DOCK4: variants seen among roughly 807,000 people sequenced by gnomAD.
DOCK4 encodes the protein dedicator of cytokinesis protein 4.
Under a neutral mutation model 268.1 loss-of-function variants are expected in DOCK4, and 97 were observed. That is an observed-to-expected ratio of 0.36 (90% CI 0.31 to 0.43). The LOEUF is 0.43. DOCK4 is among the 20% of genes least tolerant of loss of function. DOCK4 has a pLI of 1.00. For synonymous variants in DOCK4, 954 were observed against 887.2 expected, an observed-to-expected ratio of 1.08 and a Z score of -1.34; for missense variants, 2,145 against 2,455.7, an observed-to-expected ratio of 0.87 and a Z score of 2.67.
chr7:111,732,359 G>A, intron 51 of DOCK4, 72 bp from the exon 52 acceptor site: 1 of 1,522,210 alleles, frequency 6.6e-7, no homozygotes. Flanking sequence ...CATGCCCTCT[G>A]TGTTACAAAC....
intron 1 of DOCK4, among the ~76,000 whole-genome samples, chr7:112,078,170 G>T (rs948533854): frequency 5.3e-5 from 8 of 152,058 alleles, no homozygotes; most frequent in African/African-American, 1.9e-4. Context: ...GCATGAATAA[G>T]ATTTTATCTC....
chr7:111,858,290 G>T (rs886956638), intron 23 of DOCK4, among the ~76,000 whole-genome samples: 3 of 152,048 alleles, frequency 2.0e-5, no homozygotes, highest in Non-Finnish European at 2.9e-5. Flanking sequence ...TTCTTCCTTT[G>T]CATGCCTCCT....
At chr7:111,903,840 T>C (rs1791347850) in intron 13 of DOCK4, among the ~76,000 whole-genome samples, 1 of 152,212 alleles carries the variant, frequency 6.6e-6, no homozygotes, top group Admixed American at 6.5e-5. Flanking sequence ...AACAGCAGAA[T>C]TCTTTTGCTT....
chr7:111,953,328 G>A (rs1310292446), intron 8 of DOCK4, among the ~76,000 whole-genome samples: 7 of 152,142 alleles, frequency 4.6e-5, no homozygotes, highest in East Asian at 1.9e-4. Context: ...TAAGATGGAC[G>A]AAGGAATAAT....
In DOCK4 at chr7:111,900,401, T is replaced by C; in HGVS notation, c.1453A>G (p.Ile485Val). 1 of 1,613,490 alleles carries C rather than the reference T, an allele frequency of 6.2e-7. No homozygotes were observed. Among genetic ancestry groups the C allele is most frequent in the Non-Finnish European group, 8.5e-7 (1 of 1,179,744 alleles). Reference protein sequence around the residue: ...IPVDKFRGAHIRFEFRHCSTK... With the variant: ...IPVDKFRGAHVRFEFRHCSTK... ...GAACAATGCCGAAACTCGAAGCGGA[T>C]GTGTGCACCCCGGAATTTATCCACA... The change falls in exon 15 of 53, where the codon ATC becomes GTC. Residue 485 changes from isoleucine to valine, a missense_variant. Around this residue, in one of 2 missense-constraint regions of DOCK4, gnomAD observed 1,598 missense variants for 1,986.7 expected, o/e 0.80. Transcript: ENST00000428084.
chr7:111,752,578 G>GTTTTT (rs56037303), intron 42 of DOCK4, among the ~76,000 whole-genome samples: 32 of 82,212 alleles, frequency 3.9e-4, no homozygotes, highest in African/African-American at 1.0e-3. Context: ...ATCAGCTTAG[G>GTTTTT]TTTTTTTTTT....
intron 27 of DOCK4, among the ~76,000 whole-genome samples, chr7:111,813,396 G>A (rs990007045): frequency 6.6e-6 from 1 of 152,068 alleles, no homozygotes; most frequent in Non-Finnish European, 1.5e-5. Flanking sequence ...GTTATCTGCT[G>A]GGAAACTCAC....
At chr7:112,154,929 G>T (rs538083557) in intron 1 of DOCK4, among the ~76,000 whole-genome samples, 1 of 152,306 alleles carries the variant, frequency 6.6e-6, no homozygotes, top group Admixed American at 6.5e-5. Context: ...GTAGAGAAAA[G>T]AGAGGATCAA....
In DOCK4 at chr7:111,908,461, A is replaced by AAATAAT. The variant is rs3055494; in HGVS notation, c.1193-6666_1193-6661dup. On this transcript the variant is annotated intron_variant, in intron 13 of 52. Transcript: ENST00000428084. The stretch of plus-strand genomic sequence containing the variant: ...AGACTCCGTCTCAAAAAAATAAATA[A>AAATAAT]AATAATAATAATAATAATAATGAAA... Among the ~76,000 whole-genome samples, 7 of 150,230 alleles carry AAATAAT rather than the reference A, an allele frequency of 4.7e-5. No homozygotes were observed. The South Asian group carries it at 6.3e-4, about 14-fold the overall frequency.
At chr7:112,022,468 G>C (rs1406415063) in intron 1 of DOCK4, among the ~76,000 whole-genome samples, 1 of 152,242 alleles carries the variant, frequency 6.6e-6, no homozygotes, top group Non-Finnish European at 1.5e-5. Context: ...AGCAGGCACA[G>C]AGTAGCGGTG....
At position 111,730,536 on chromosome 7, in the gene DOCK4, T is replaced by C. The variant is rs139214164; in HGVS notation, c.5481+1690A>G. On this transcript the variant is annotated intron_variant, in intron 52 of 52. Coordinates refer to ENST00000428084, the MANE Select transcript of DOCK4 (RefSeq NM_001363540.2). ...GGCCAATTAAGAGTTCCCAATTCAC[T>C]GCTACCTCTGTCAAAAGTTAGACCT... Among the ~76,000 whole-genome samples the C allele has an allele frequency of 5.1e-3, 781 of 152,298 alleles. 5 individuals carry two copies. The highest frequency in any genetic ancestry group is 0.018 in the African/African-American group (739 of 41,558).
Position 111,732,850 on chromosome 7 carries a change from G to C in DOCK4, c.5420-563C>G, listed in dbSNP as rs1224939187. Among the ~76,000 whole-genome samples the C allele has an allele frequency of 3.3e-5, 5 of 152,260 alleles. No individual in the cohort carries two copies. In the East Asian group the frequency reaches 9.7e-4, roughly 29 times the overall value. On this transcript the variant is annotated intron_variant, in intron 51 of 52. Transcript: ENST00000428084. ...TTTTCCATTTCTTCCCCTAATGCTTGTACTCAGGTCTTCCCATTATCCCCT... is the reference window on the plus strand; with the variant it reads ...TTTTCCATTTCTTCCCCTAATGCTTCTACTCAGGTCTTCCCATTATCCCCT...
chr7:112,109,963 C>A (rs1427999716), intron 1 of DOCK4, among the ~76,000 whole-genome samples: 1 of 151,490 alleles, frequency 6.6e-6, no homozygotes, highest in South Asian at 2.1e-4. Flanking sequence ...CCAGGATGGT[C>A]TCGATCTCCT....
chr7:111,915,569 G>A (rs918164659), intron 13 of DOCK4, among the ~76,000 whole-genome samples: 1 of 151,988 alleles, frequency 6.6e-6, no homozygotes, highest in Non-Finnish European at 1.5e-5. Context: ...TCACTGACAA[G>A]AAAGTTTATA....
intron 11 of DOCK4, 76 bp from the exon 12 acceptor site, chr7:111,935,704 CT>C (rs1258824651): frequency 1.8e-5 from 23 of 1,301,734 alleles, no homozygotes; most frequent in Non-Finnish European, 2.4e-5. Flanking sequence ...TACATCTGCC[CT>C]TTTCGTTATA....
chr7:112,191,632 G>T (rs1290621045), intron 1 of DOCK4, among the ~76,000 whole-genome samples: 1 of 152,162 alleles, frequency 6.6e-6, no homozygotes, highest in African/African-American at 2.4e-5. Context: ...AAAGCCTGGG[G>T]CTGTGCCTCC....
chr7:111,842,445 G>GA (rs1160439665), intron 25 of DOCK4, among the ~76,000 whole-genome samples: 1 of 152,200 alleles, frequency 6.6e-6, no homozygotes, highest in Non-Finnish European at 1.5e-5. Context: ...TATTCTAGCT[G>GA]AACACCACAG....
In DOCK4 at chr7:111,992,234, A is replaced by G. The variant is rs762603803; in HGVS notation, c.315+1901T>C. 3.1e-4 allele frequency among the ~76,000 whole-genome samples: 47 copies of G among 152,168 alleles called. 1 individual carries two copies. Among genetic ancestry groups the G allele is most frequent in the Non-Finnish European group, 5.0e-4 (34 of 68,030 alleles). ...AAGCATTGTCATATAAATTGCTAAC[A>G]ATTTATAAAATATTATGGCCCCCAT... On this transcript the variant is annotated intron_variant, in intron 5 of 52. Coordinates refer to ENST00000428084, the MANE Select transcript of DOCK4 (RefSeq NM_001363540.2).
chr7:112,152,106 C>G (rs1169501317), intron 1 of DOCK4, among the ~76,000 whole-genome samples: 3 of 151,952 alleles, frequency 2.0e-5, no homozygotes, highest in Non-Finnish European at 2.9e-5. Context: ...CTCAAATGCT[C>G]TATTCATAAA....
Sources: gnomAD v4.1 joint callset for allele counts (sites outside exome capture counted in the v4.1 genomes callset) on GRCh38, gnomAD v4.1.1 for gene constraint, gnomAD v4.1.1 regional missense constraint, MANE v1.5 for transcripts, NCBI Gene and HGNC (gene_info 2026-07-23, HGNC 2026-07-21) for gene names.